ELOVL7: variants seen among roughly 807,000 people sequenced by gnomAD.
ELOVL7 encodes very long chain fatty acid elongase 7.
A neutral mutation model predicts 35.7 loss-of-function variants in ELOVL7; 27 were observed. That is an observed-to-expected ratio of 0.76 (90% CI 0.56 to 1.04). The LOEUF is 1.04. Among genes scored for constraint, ELOVL7 ranks in the 50% least tolerant of loss-of-function variants. ELOVL7 has a pLI of 0.00. For missense variants in ELOVL7, 327 were observed against 340.8 expected (o/e 0.96, Z 0.32); for synonymous variants, 113 against 114.6 (o/e 0.99, Z 0.09).
At chr5:60,792,231 C>A (rs1221165674) in intron 2 of ELOVL7, among the ~76,000 whole-genome samples, 1 of 152,048 alleles carries the variant, frequency 6.6e-6, no homozygotes, top group Non-Finnish European at 1.5e-5. Flanking sequence ...TAATCCACTG[C>A]TTGTAGATAA....
chr5:60,769,386 C>T (rs1234858706), intron 4 of ELOVL7, among the ~76,000 whole-genome samples: 70 of 152,174 alleles, frequency 4.6e-4, no homozygotes, highest in Non-Finnish European at 1.5e-4. Context: ...AGCACTGTGT[C>T]GAATGAAAGT....
intron 5 of ELOVL7, among the ~76,000 whole-genome samples, chr5:60,767,359 G>A (rs898458534): frequency 1.3e-5 from 2 of 152,098 alleles, no homozygotes; most frequent in African/African-American, 4.8e-5. Context: ...CTCCCAAAGC[G>A]CTAGGATTAC....
chr5:60,754,862 A>T, intron 8 of ELOVL7, 29 bp from the exon 9 acceptor site: 1 of 1,591,170 alleles, frequency 6.3e-7, no homozygotes, highest in Non-Finnish European at 8.6e-7. Flanking sequence ...AAAAAAAATT[A>T]TTCAGATATG....
At chr5:60,758,038 G>A (rs1386480628) in intron 7 of ELOVL7, among the ~76,000 whole-genome samples, 1 of 152,056 alleles carries the variant, frequency 6.6e-6, no homozygotes, top group African/African-American at 2.4e-5. Context: ...GATTTTTCAT[G>A]TATGTATACA....
intron 3 of ELOVL7, among the ~76,000 whole-genome samples, chr5:60,772,908 GCACACTTC>G: frequency 6.6e-6 from 1 of 152,106 alleles, no homozygotes; most frequent in East Asian, 1.9e-4. Context: ...AGGAAAACTG[GCACACTTC>G]CACATATACT....
chr5:60,829,787 G>A (rs1191631027), intron 1 of ELOVL7, among the ~76,000 whole-genome samples: 2 of 152,186 alleles, frequency 1.3e-5, no homozygotes, highest in Non-Finnish European at 2.9e-5. Context: ...TTCTGGAAAT[G>A]TGACATACAA....
intron 1 of ELOVL7, among the ~76,000 whole-genome samples, chr5:60,807,139 C>T (rs564031433): frequency 6.6e-6 from 1 of 152,072 alleles, no homozygotes; most frequent in South Asian, 2.1e-4. Flanking sequence ...GGAGGAGAAG[C>T]AAACAGACTA....
intron 2 of ELOVL7, among the ~76,000 whole-genome samples, chr5:60,793,726 C>T (rs774035875): frequency 1.1e-4 from 17 of 151,982 alleles, no homozygotes; most frequent in South Asian, 4.1e-4. Flanking sequence ...TGTAAGACTA[C>T]AATAAAGAGG....
chr5:60,807,781 C>G (rs1043224011), intron 1 of ELOVL7, among the ~76,000 whole-genome samples: 6 of 151,628 alleles, frequency 4.0e-5, no homozygotes, highest in Non-Finnish European at 7.4e-5. Flanking sequence ...AGGTGGATCA[C>G]AAGGTCAGGA....
At chr5:60,829,525 T>A (rs3910825) in intron 1 of ELOVL7, among the ~76,000 whole-genome samples, 3,031 of 152,290 alleles carry the variant, frequency 0.02, 118 homozygotes, top group African/African-American at 0.069. Context: ...ATCTTTTATA[T>A]TTACCATGAA....
rs1351059500 is a variant in ELOVL7 at position 60,764,246 on chromosome 5, A to C, written c.480T>G (p.Phe160Leu). The C allele has an allele frequency of 1.2e-6, 2 of 1,613,480 alleles. No individual in the cohort carries two copies. The highest frequency in any genetic ancestry group is 1.7e-6 in the Non-Finnish European group (2 of 1,179,680). Residue 160 changes from phenylalanine (F) to leucine (L), a missense_variant, in exon 7 of 9, where the codon TTT (phenylalanine) becomes TTG (leucine). Transcript: ENST00000508821. ...GTCTACCTGCAGCAAATTTGACTCCAAACCACCAGGTCCACGGCATGATGG... is the reference window on the plus strand; with the variant it reads ...GTCTACCTGCAGCAAATTTGACTCCCAACCACCAGGTCCACGGCATGATGG... Reference protein sequence around the residue: ...HHTIMPWTWWFGVKFAAGGLG... With the variant: ...HHTIMPWTWWLGVKFAAGGLG...
intron 1 of ELOVL7, among the ~76,000 whole-genome samples, chr5:60,825,917 A>C (rs1432656826): frequency 2.6e-5 from 4 of 152,266 alleles, no homozygotes; most frequent in African/African-American, 9.6e-5. Flanking sequence ...TGAGACAAGC[A>C]AGAATTGGCA....
chr5:60,835,466 C>CA (rs529593820), intron 1 of ELOVL7, among the ~76,000 whole-genome samples: 73 of 151,976 alleles, frequency 4.8e-4, no homozygotes, highest in African/African-American at 1.7e-3. Flanking sequence ...GGCTGAAGTA[C>CA]AGTGGTGCAA....
chr5:60,790,580 A>G (rs913384942), intron 2 of ELOVL7, among the ~76,000 whole-genome samples: 6 of 152,106 alleles, frequency 3.9e-5, no homozygotes, highest in Non-Finnish European at 5.9e-5. Context: ...CTGAGTTCAG[A>G]CTCAAGACTG....
At chr5:60,804,339 A>G (rs1744810195) in intron 1 of ELOVL7, among the ~76,000 whole-genome samples, 1 of 152,194 alleles carries the variant, frequency 6.6e-6, no homozygotes, top group Admixed American at 6.5e-5. Context: ...TTGGAGAGAC[A>G]GGGCAAACTT....
In ELOVL7 at chr5:60,766,569, C is replaced by T; in HGVS notation, c.393+5G>A. The stretch of plus-strand genomic sequence containing the variant: ...ATTTACCAAATGTGGTGGCCATATA[C>T]TCACCGTATCTAATAGCTCAATAAA... On this transcript the variant is annotated splice_donor_5th_base_variant and intron_variant, in intron 6 of 8. Coordinates refer to ENST00000508821, the MANE Select transcript of ELOVL7 (RefSeq NM_024930.3). 1 of 1,609,370 alleles carries T rather than the reference C, an allele frequency of 6.2e-7. No homozygotes were observed. The highest frequency in any genetic ancestry group is 8.5e-7 in the Non-Finnish European group (1 of 1,177,490).
intron 2 of ELOVL7, among the ~76,000 whole-genome samples, chr5:60,788,329 A>G (rs1206487925): frequency 2.0e-5 from 3 of 152,192 alleles, no homozygotes; most frequent in African/African-American, 7.2e-5. Context: ...GGGAACATGT[A>G]AAAGTTCTAG....
chr5:60,783,509 A>G (rs2112224475), intron 3 of ELOVL7, among the ~76,000 whole-genome samples: 1 of 152,264 alleles, frequency 6.6e-6, no homozygotes, highest in South Asian at 2.1e-4. Flanking sequence ...AGGGAGTATC[A>G]ATGCACCTGC....
chr5:60,757,608 A>C lies in ELOVL7; in HGVS notation c.537T>G (p.Ala179=). Residue 179 remains alanine, a synonymous_variant, in exon 8 of 9, where the codon GCT becomes GCG. Coordinates refer to ENST00000508821, the MANE Select transcript of ELOVL7 (RefSeq NM_024930.3). ...LGTFHALLNT[A]VHVVMYSYYG... ...AGTAGGAATACATGACTACATGTAC[A>C]GCTGTATTTAGAAGGGCATGGAATG... 6.2e-7 allele frequency: 1 copy of C among 1,610,738 alleles called. No individual in the cohort carries two copies. The highest frequency in any genetic ancestry group is 8.5e-7 in the Non-Finnish European group (1 of 1,177,588).
Sources: gnomAD v4.1 joint callset for allele counts (sites outside exome capture counted in the v4.1 genomes callset) on GRCh38, gnomAD v4.1.1 for gene constraint, MANE v1.5 for transcripts, NCBI Gene and HGNC (gene_info 2026-07-23, HGNC 2026-07-21) for gene names.